Variants in ASS1 observed in about 807,000 individuals in gnomAD.
The protein encoded by ASS1 is argininosuccinate synthase.
ASS1 carries 58 observed loss-of-function variants against 60.5 expected under a neutral mutation model. The observed-to-expected ratio is 0.96, with a 90% CI of 0.78 to 1.19. The LOEUF (loss-of-function observed/expected upper bound fraction) is 1.19. Ranked by LOEUF, ASS1 falls within the 50% of genes most tolerant of loss-of-function variation. ASS1 has a pLI of 0.00. For missense variants in ASS1, 454 were observed against 547.3 expected (o/e 0.83, Z 1.70); for synonymous variants, 200 against 206.9 (o/e 0.97, Z 0.29).
rs751023275 is a variant in ASS1, at chr9:130,491,250, G to A, written c.970+1786G>A. Among the ~76,000 whole-genome samples the A allele has an allele frequency of 1.3e-5, 2 of 152,130 alleles. No individual in the cohort carries two copies. Among genetic ancestry groups the A allele is most frequent in the East Asian group, 1.9e-4 (1 of 5,178 alleles). ...AGGCTTTCCAGCCCGGCGGGATTGC[G>A]ACCCCGAAAGGAGGATTTTAGTTAC... On this transcript the variant is annotated intron_variant, in intron 12 of 14. Transcript: ENST00000352480. This position sits in a 1 kb window ranked among gnomAD's most constrained non-coding sequence, Gnocchi z 5.3.
chr9:130,468,428 T>C (rs1845795814), intron 6 of ASS1, among the ~76,000 whole-genome samples: 1 of 152,068 alleles, frequency 6.6e-6, no homozygotes, highest in Admixed American at 6.5e-5. Context: ...AAATTTTTTT[T>C]AGAGACAGTG....
At chr9:130,483,607 G>A (rs1354170104) in intron 11 of ASS1, among the ~76,000 whole-genome samples, 1 of 152,004 alleles carries the variant, frequency 6.6e-6, no homozygotes, top group African/African-American at 2.4e-5. Flanking sequence ...AGGGAGGCCG[G>A]GAAGGAGCCA....
chr9:130,495,466 T>TAC (rs1296659536), intron 13 of ASS1, among the ~76,000 whole-genome samples: 4 of 81,476 alleles, frequency 4.9e-5, no homozygotes, highest in Non-Finnish European at 5.9e-5. Flanking sequence ...TATATACACA[T>TAC]ACATATACAC....
chr9:130,466,417 C>T (rs752192476), intron 5 of ASS1: 9 of 469,500 alleles, frequency 1.9e-5, no homozygotes, highest in Non-Finnish European at 2.8e-5. Context: ...CCATGAACCC[C>T]GTCTAGTTCA....
At chr9:130,495,698 G>A (rs1846583031) in intron 13 of ASS1, among the ~76,000 whole-genome samples, 1 of 151,968 alleles carries the variant, frequency 6.6e-6, no homozygotes. Flanking sequence ...TCTGGAGAAC[G>A]GATTTGAGTA....
Position 130,495,581 on chromosome 9 carries a change from G to T in ASS1, c.1127+558G>T, listed in dbSNP as rs182781925. Among the ~76,000 whole-genome samples the T allele has an allele frequency of 3.8e-3, 575 of 151,982 alleles. 2 individuals are homozygous for T. Among genetic ancestry groups the T allele is most frequent in the African/African-American group, 0.014 (563 of 41,438 alleles). ...AGCAGAAGGAGTTAACAGGTGAATG[G>T]GGGGAGGGGTGGAAGGGCAAAAGTG... is the stretch of plus-strand genomic sequence containing the variant. On this transcript the variant is annotated intron_variant, in intron 13 of 14. Coordinates refer to ENST00000352480, the MANE Select transcript of ASS1 (RefSeq NM_054012.4).
chr9:130,462,760 G>C (rs1845632396), intron 4 of ASS1, among the ~76,000 whole-genome samples: 1 of 152,176 alleles, frequency 6.6e-6, no homozygotes, highest in Non-Finnish European at 1.5e-5. Context: ...CCCCACCTCA[G>C]TGTCCTCATC....
chr9:130,487,177 C>T (rs992865078), intron 11 of ASS1, among the ~76,000 whole-genome samples: 10 of 152,304 alleles, frequency 6.6e-5, no homozygotes, highest in East Asian at 5.8e-4. Flanking sequence ...GGGCTTCTGC[C>T]GCAGGCTGTT....
At chr9:130,452,448 G>T in intron 2 of ASS1, 115 bp downstream of exon 2, 1 of 877,394 alleles carries the variant, frequency 1.1e-6, no homozygotes. Context: ...ACTCATTCAA[G>T]CCTGGCCTCT....
Position 130,458,391 on chromosome 9 carries a change from C to T in ASS1, c.175-10C>T, listed in dbSNP as rs1412793547. The T allele has an allele frequency of 6.2e-7, 1 of 1,612,018 alleles. No homozygotes were observed. Among genetic ancestry groups the T allele is most frequent in the East Asian group, 2.2e-5 (1 of 44,862 alleles). ...GCCTACTTCTTCCTTCTGGGCTCCT[C>T]TTCCCGTAGGTGTTCATTGAGGATG... On this transcript the variant is annotated splice_polypyrimidine_tract_variant and intron_variant, in intron 3 of 14. Coordinates refer to ENST00000352480, the MANE Select transcript of ASS1 (RefSeq NM_054012.4).
intron 3 of ASS1, among the ~76,000 whole-genome samples, chr9:130,455,920 T>C (rs1845439983): frequency 6.6e-6 from 1 of 152,218 alleles, no homozygotes; most frequent in Admixed American, 6.5e-5. Flanking sequence ...GGAACTAGAA[T>C]GTCCCTCCTT....
intron 8 of ASS1, among the ~76,000 whole-genome samples, chr9:130,473,385 T>C (rs1845921259): frequency 6.6e-6 from 1 of 152,172 alleles, no homozygotes; most frequent in African/African-American, 2.4e-5. Flanking sequence ...CAAGGTCCTC[T>C]CAGGGACCCC....
chr9:130,471,757 A>G (rs747738960), intron 8 of ASS1, among the ~76,000 whole-genome samples: 17 of 151,742 alleles, frequency 1.1e-4, no homozygotes, highest in Non-Finnish European at 1.8e-4. Context: ...TGGGATGAAC[A>G]GGGGAAGGAA....
At chr9:130,448,412 G>A (rs1261575440) in intron 1 of ASS1, among the ~76,000 whole-genome samples, 2 of 65,304 alleles carry the variant, frequency 3.1e-5, no homozygotes, top group Admixed American at 1.8e-4. Flanking sequence ...GCACACAGGT[G>A]TGTGCGCGCG....
At chr9:130,475,842 C>T (rs532663843) in intron 8 of ASS1, among the ~76,000 whole-genome samples, 11 of 151,644 alleles carry the variant, frequency 7.3e-5, no homozygotes, top group Non-Finnish European at 1.2e-4. Flanking sequence ...CTGCAACCTC[C>T]GCCTCCCAGG....
chr9:130,453,077 C>G (rs1845361443), intron 2 of ASS1, among the ~76,000 whole-genome samples: 1 of 152,236 alleles, frequency 6.6e-6, no homozygotes, highest in Admixed American at 6.5e-5. Flanking sequence ...CTATCTCCAA[C>G]TCTACTTGGC....
chr9:130,498,902 G>A (rs1226338271), intron 13 of ASS1, among the ~76,000 whole-genome samples: 1 of 152,216 alleles, frequency 6.6e-6, no homozygotes, highest in Non-Finnish European at 1.5e-5. Flanking sequence ...CTGCTCTGCT[G>A]AGTACAGCAG....
intron 12 of ASS1, among the ~76,000 whole-genome samples, chr9:130,493,124 T>C (rs1050012652): frequency 5.3e-5 from 8 of 152,014 alleles, no homozygotes; most frequent in African/African-American, 1.9e-4. Flanking sequence ...AGAACATCAG[T>C]GGCCCCCTCC....
chr9:130,483,619 C>A (rs1047778869), intron 11 of ASS1, among the ~76,000 whole-genome samples: 1 of 151,936 alleles, frequency 6.6e-6, no homozygotes, highest in Non-Finnish European at 1.5e-5. Context: ...AAGGAGCCAG[C>A]GCATGTCCTT....
Sources: gnomAD v4.1 joint callset for allele counts (sites outside exome capture counted in the v4.1 genomes callset) on GRCh38, gnomAD v4.1.1 for gene constraint, Gnocchi (gnomAD v3.1) non-coding constraint, MANE v1.5 for transcripts, NCBI Gene and HGNC (gene_info 2026-07-23, HGNC 2026-07-21) for gene names.